The following CALN1 variants were observed in gnomAD, a reference collection of about 807,000 sequenced individuals.
CALN1 encodes calcium-binding protein 8.
CALN1 carries 17 observed loss-of-function variants against 30.6 expected under a neutral mutation model. That is an observed-to-expected ratio of 0.56 (90% confidence interval 0.38 to 0.83). The LOEUF is 0.83. Ranked by LOEUF, CALN1 falls within the 40% of genes least tolerant of loss-of-function variation. The pLI, the probability that CALN1 is intolerant of heterozygous loss-of-function variation, is 0.00. For missense variants in CALN1, 291 were observed against 354.9 expected (o/e 0.82, Z 1.45); for synonymous variants, 156 against 131.4 (o/e 1.19, Z -1.28).
intron 5 of CALN1, among the ~76,000 whole-genome samples, chr7:71,932,338 G>A (rs891084242): frequency 2.6e-5 from 4 of 152,002 alleles, no homozygotes; most frequent in Non-Finnish European, 4.4e-5. Flanking sequence ...ACCATGCCCA[G>A]CTATTTTTCA....
At chr7:72,399,547 G>C (rs1450525971) in intron 2 of CALN1, among the ~76,000 whole-genome samples, 1 of 152,070 alleles carries the variant, frequency 6.6e-6, no homozygotes, top group Non-Finnish European at 1.5e-5. Context: ...GGGATTACAG[G>C]CATGAGCCAC....
At chr7:72,232,398 G>A (rs113574046) in intron 3 of CALN1, among the ~76,000 whole-genome samples, 4 of 152,332 alleles carry the variant, frequency 2.6e-5, no homozygotes, top group African/African-American at 7.2e-5. Context: ...ACAAATAAGA[G>A]ATGGTTAAAT....
intron 5 of CALN1, among the ~76,000 whole-genome samples, chr7:71,910,456 G>A (rs1047574531): frequency 6.6e-6 from 1 of 152,188 alleles, no homozygotes; most frequent in Admixed American, 6.5e-5. Context: ...AGTAATGTCC[G>A]TGCACCAAAC....
At chr7:72,207,539 T>C (rs941406070) in intron 3 of CALN1, among the ~76,000 whole-genome samples, 2 of 152,164 alleles carry the variant, frequency 1.3e-5, no homozygotes, top group African/African-American at 2.4e-5. Context: ...TGGAGTGCAG[T>C]GGTGCAATCT....
At chr7:71,985,519 G>C (rs1013260515) in intron 5 of CALN1, among the ~76,000 whole-genome samples, 2 of 151,084 alleles carry the variant, frequency 1.3e-5, no homozygotes, top group Admixed American at 1.3e-4. Flanking sequence ...AATTCTTAAT[G>C]GAACTAAAGA....
At chr7:72,397,939 A>G (rs1806088616) in intron 2 of CALN1, among the ~76,000 whole-genome samples, 1 of 152,136 alleles carries the variant, frequency 6.6e-6, no homozygotes. Flanking sequence ...CACGTGAGGT[A>G]CACTCTCCCC....
At chr7:72,121,300 TTA>T (rs1808370803) in intron 3 of CALN1, among the ~76,000 whole-genome samples, 1 of 143,328 alleles carries the variant, frequency 7.0e-6, no homozygotes, top group Admixed American at 7.2e-5. Flanking sequence ...ATTATATAAT[TTA>T]TAAATTAAGT....
At position 72,380,129 on chromosome 7, in the gene CALN1, G is replaced by C. The variant is rs78312674; in HGVS notation, c.119+23122C>G. 7.2e-5 allele frequency among the ~76,000 whole-genome samples: 11 copies of C among 152,288 alleles called. No individual in the cohort carries two copies. In the East Asian group the frequency reaches 1.9e-3, roughly 27 times the overall value. On this transcript the variant is annotated intron_variant, in intron 2 of 6. Transcript: ENST00000395275. ...TATTAATTTGATGAGTTCTCCAACA[G>C]AGTCAGAAAATCCAATAGTCAGACA...
intron 3 of CALN1, among the ~76,000 whole-genome samples, chr7:72,237,324 G>A (rs1794536499): frequency 6.6e-6 from 1 of 152,102 alleles, no homozygotes; most frequent in Non-Finnish European, 1.5e-5. Context: ...AGATCAAATG[G>A]ATTTGAGGCA....
intron 2 of CALN1, among the ~76,000 whole-genome samples, chr7:72,343,318 G>A (rs1387302719): frequency 1.3e-5 from 2 of 152,202 alleles, no homozygotes; most frequent in East Asian, 1.9e-4. Context: ...AGGCCGACGC[G>A]GGTGGATCAC....
intron 2 of CALN1, among the ~76,000 whole-genome samples, chr7:72,385,525 C>T (rs961720196): frequency 1.3e-5 from 2 of 151,456 alleles, no homozygotes; most frequent in Non-Finnish European, 2.9e-5. Flanking sequence ...AACCTCATCT[C>T]GAATTCTCAT....
intron 5 of CALN1, among the ~76,000 whole-genome samples, chr7:71,978,614 A>G (rs1397691038): frequency 6.6e-6 from 1 of 152,178 alleles, no homozygotes; most frequent in Non-Finnish European, 1.5e-5. Context: ...GGGCAGGGGC[A>G]GCGCCAGCTG....
intron 3 of CALN1, among the ~76,000 whole-genome samples, chr7:72,203,002 A>G (rs1411683820): frequency 6.6e-6 from 1 of 152,234 alleles, no homozygotes; most frequent in East Asian, 1.9e-4. Context: ...AATACTATGC[A>G]GCCATAAAAA....
At chr7:72,336,298 T>G (rs1158719776) in intron 2 of CALN1, among the ~76,000 whole-genome samples, 2 of 151,996 alleles carry the variant, frequency 1.3e-5, no homozygotes, top group Non-Finnish European at 2.9e-5. Context: ...CCGAGTCCCC[T>G]GCCCTCCCTC....
chr7:72,034,769 C>T (rs1801685036), intron 4 of CALN1, among the ~76,000 whole-genome samples: 1 of 111,036 alleles, frequency 9.0e-6, no homozygotes, highest in South Asian at 3.0e-4. Flanking sequence ...GCCTGGGCGA[C>T]AGAATGACAG....
chr7:72,388,844 G>A (rs1805400206), intron 2 of CALN1, among the ~76,000 whole-genome samples: 1 of 152,162 alleles, frequency 6.6e-6, no homozygotes. Flanking sequence ...CTGAAGTTCA[G>A]AACTGGTGCA....
chr7:72,235,109 C>T (rs1433731016), intron 3 of CALN1, among the ~76,000 whole-genome samples: 1 of 151,638 alleles, frequency 6.6e-6, no homozygotes, highest in Non-Finnish European at 1.5e-5. Flanking sequence ...TCTGTCTCTG[C>T]CAAAAAAACT....
chr7:71,862,832 T>C (rs1251738215), intron 5 of CALN1, among the ~76,000 whole-genome samples: 1 of 152,168 alleles, frequency 6.6e-6, no homozygotes, highest in East Asian at 1.9e-4. Flanking sequence ...AATCTACTAG[T>C]GGGCAGAAAT....
At chr7:72,157,805 A>C (rs1787811277) in intron 3 of CALN1, among the ~76,000 whole-genome samples, 1 of 152,190 alleles carries the variant, frequency 6.6e-6, no homozygotes, top group Non-Finnish European at 1.5e-5. Flanking sequence ...GTGCAGTGGC[A>C]CAATCTCGGC....
Sources: gnomAD v4.1 joint callset for allele counts (sites outside exome capture counted in the v4.1 genomes callset) on GRCh38, gnomAD v4.1.1 for gene constraint, MANE v1.5 for transcripts, NCBI Gene and HGNC (gene_info 2026-07-23, HGNC 2026-07-21) for gene names.